Variants in ORC1 observed in about 807,000 individuals in gnomAD.
The protein encoded by ORC1 is origin recognition complex subunit 1.
ORC1 carries 61 observed loss-of-function variants against 98.9 expected under a neutral mutation model. That is an observed-to-expected ratio of 0.62 (90% CI 0.50 to 0.76). ORC1 has a LOEUF of 0.76. Among genes scored for constraint, ORC1 ranks in the 30% least tolerant of loss-of-function variants. The pLI, the probability that ORC1 is intolerant of heterozygous loss-of-function variation, is 0.00. For synonymous variants in ORC1, 385 were observed against 406.9 expected (o/e 0.95, Z 0.65); for missense variants, 979 against 1,072.2 (o/e 0.91, Z 1.21).
At chr1:52,405,550 T>C (rs1437449204), upstream of ORC1, 3 of 779,964 alleles carry the variant, frequency 3.8e-6, no homozygotes, top group Non-Finnish European at 6.4e-6. Context: ...GTTACTGTTA[T>C]TAATACACAT....
At chr1:52,395,961 C>T in intron 5 of ORC1, 85 bp downstream of exon 5, 1 of 1,580,766 alleles carries the variant, frequency 6.3e-7, no homozygotes, top group Non-Finnish European at 8.6e-7. Context: ...TGATCACTAA[C>T]TCAATACTTT....
chr1:52,404,551 T>A (rs528569972), upstream of ORC1: 4 of 537,034 alleles, frequency 7.4e-6, no homozygotes, highest in Non-Finnish European at 1.3e-5. Context: ...TCCGCTAACA[T>A]GCAGCCGCCA....
upstream of ORC1, chr1:52,408,900 T>C (rs1648073238): frequency 2.1e-6 from 1 of 479,566 alleles, no homozygotes; most frequent in East Asian, 3.6e-5. Context: ...CCTCTGTCTG[T>C]CTCCCTTTCC....
At chr1:52,382,208 T>C (rs1034466229) in intron 13 of ORC1, among the ~76,000 whole-genome samples, 1 of 152,196 alleles carries the variant, frequency 6.6e-6, no homozygotes, top group Non-Finnish European at 1.5e-5. Context: ...CTCGATCTCC[T>C]GACCTCGGGA....
At position 52,396,341 on chromosome 1, in the gene ORC1, A is replaced by C; in HGVS notation, c.426T>G (p.Asp142Glu). Residue 142 changes from aspartate to glutamate, a missense_variant, in exon 5 of 17, where the codon GAT becomes GAG. Coordinates refer to ENST00000371568, the MANE Select transcript of ORC1 (RefSeq NM_004153.4). Reference protein sequence around the residue: ...LVRVIPLAPKDVVPTNLKNEK... With the variant: ...LVRVIPLAPKEVVPTNLKNEK... ...CATTTTTCAGATTCGTCGGTACCACATCCTTTGGGGCTAAAGGTATCACCT... is the reference window on the plus strand; with the variant it reads ...CATTTTTCAGATTCGTCGGTACCACCTCCTTTGGGGCTAAAGGTATCACCT... 1 of 1,614,180 alleles carries C rather than the reference A, an allele frequency of 6.2e-7. No individual in the cohort carries two copies. Among genetic ancestry groups the C allele is most frequent in the South Asian group, 1.1e-5 (1 of 91,086 alleles).
Position 52,388,537 on chromosome 1 carries a change from G to A in ORC1, c.1288C>T (p.Pro430Ser). Reference protein sequence around the residue: ...SSDEEEASTPPLPRRAPRTVS... With the variant: ...SSDEEEASTPSLPRRAPRTVS... ...GTTCTGGGTGCTCTCCTTGGAAGGG[G>A]CGGTGTGGAAGCCTCTTCTTCGTCA... Residue 430 changes from proline to serine, a missense_variant, in exon 8 of 17, where the codon CCC (proline) becomes TCC (serine). Transcript: ENST00000371568. 3 of 1,614,072 alleles carry A rather than the reference G, an allele frequency of 1.9e-6. No individual in the cohort carries two copies. The highest frequency in any genetic ancestry group is 2.5e-6 in the Non-Finnish European group (3 of 1,179,966).
chr1:52,374,845 G>A lies in ORC1; in HGVS notation c.2356C>T (p.Arg786Cys), dbSNP rs754186329. 16 of 1,613,766 alleles carry A rather than the reference G, an allele frequency of 9.9e-6. No homozygotes were observed. Among genetic ancestry groups the A allele is most frequent in the East Asian group, 8.9e-5 (4 of 44,896 alleles). Residue 786 changes from arginine to cysteine, a missense_variant, in exon 16 of 17, where the codon CGT becomes TGT. Physicochemically the swap from Arg to Cys is radical, Grantham distance 180. Transcript: ENST00000371568. ...SFLRAILAEF[R>C]RSGLEEATFQ... Reference sequence around the variant, plus strand: ...GTGGCTTCCTCCAGTCCTGATCGACGGAACTCTGCGAGGATGGCTCTCAGG... The same window carrying A: ...GTGGCTTCCTCCAGTCCTGATCGACAGAACTCTGCGAGGATGGCTCTCAGG...
intron 4 of ORC1, 140 bp downstream of exon 4, chr1:52,397,545 A>T: frequency 1.2e-6 from 1 of 817,780 alleles, no homozygotes; most frequent in Non-Finnish European, 2.1e-6. Context: ...GATGAAACAG[A>T]CAGGCAAGCA....
At chr1:52,405,924 T>C (rs1043534812), upstream of ORC1, 1 of 1,098,996 alleles carries the variant, frequency 9.1e-7, no homozygotes, top group Admixed American at 2.0e-5. Context: ...GTGTACACAA[T>C]GTATCTCATT....
chr1:52,384,721 C>T lies in ORC1; in HGVS notation c.1584G>A (p.Gly528=). 1 of 1,613,176 alleles carries T rather than the reference C, an allele frequency of 6.2e-7. No homozygotes were observed. The highest frequency in any genetic ancestry group is 8.5e-7 in the Non-Finnish European group (1 of 1,179,742). ...CAGGGACACCGGAGATGTACATGCA[C>T]CTAGAGCAAGAGAGGAAAACCCGTG... ...VESKLLDHTG[G]CMYISGVPGT... is the part of the protein sequence containing the mutation. The change falls in exon 11 of 17, where the codon GGG becomes GGA. Residue 528 remains glycine, a splice_region_variant and synonymous_variant. Transcript: ENST00000371568.
intron 8 of ORC1, among the ~76,000 whole-genome samples, chr1:52,387,636 T>A (rs541027779): frequency 6.6e-6 from 1 of 152,252 alleles, no homozygotes; most frequent in South Asian, 2.1e-4. Flanking sequence ...TTTTGTATTT[T>A]AAGCAGAGAC....
At chr1:52,390,924 A>C (rs1647201217) in intron 6 of ORC1, among the ~76,000 whole-genome samples, 1 of 151,390 alleles carries the variant, frequency 6.6e-6, no homozygotes, top group Admixed American at 6.6e-5. Flanking sequence ...AAAAAGAAGA[A>C]GAAAGAAACT....
intron 5 of ORC1, 80 bp downstream of exon 5, chr1:52,395,966 T>C: frequency 6.3e-7 from 1 of 1,588,954 alleles, no homozygotes; most frequent in Non-Finnish European, 8.6e-7. Context: ...ACTAACTCAA[T>C]ACTTTCCCAT....
At chr1:52,402,984 A>G (rs1443617053) in intron 1 of ORC1, among the ~76,000 whole-genome samples, 1 of 152,208 alleles carries the variant, frequency 6.6e-6, no homozygotes, top group Non-Finnish European at 1.5e-5. Context: ...CCTTAACTCA[A>G]ACCCGGAAAA....
At chr1:52,401,983 C>A (rs566246798) in intron 2 of ORC1, 146 bp downstream of exon 2, 1 of 733,316 alleles carries the variant, frequency 1.4e-6, no homozygotes, top group Non-Finnish European at 2.4e-6. Context: ...CATCTTCTTG[C>A]ATCAAACAAA....
In ORC1 at chr1:52,388,449, T is replaced by G. The variant is rs766392601; in HGVS notation, c.1376A>C (p.Lys459Thr). The change falls in exon 8 of 17, where the codon AAG (lysine) becomes ACG (threonine). Residue 459 changes from lysine (K) to threonine (T), a missense_variant. Coordinates refer to ENST00000371568, the MANE Select transcript of ORC1 (RefSeq NM_004153.4). ...SSLHTLTKVP[K>T]KSLKPRTPRC... is the part of the protein sequence containing the mutation. ...AACCTAGAAGAACCTTACACTCTTC[T>G]TTGGCACCTTCGTGAGGGTATGTAA... 1 of 1,613,828 alleles carries G rather than the reference T, an allele frequency of 6.2e-7. No homozygotes were observed. The highest frequency in any genetic ancestry group is 1.7e-5 in the Admixed American group (1 of 60,024).
At chr1:52,385,037 G>A in intron 10 of ORC1, 124 bp downstream of exon 10, 1 of 784,730 alleles carries the variant, frequency 1.3e-6, no homozygotes, top group South Asian at 1.4e-5. Flanking sequence ...TTGGGCTTCA[G>A]CAACGATTTG....
At chr1:52,405,693 C>T (rs541266485), upstream of ORC1, 5 of 1,613,118 alleles carry the variant, frequency 3.1e-6, no homozygotes, top group African/African-American at 2.7e-5. Context: ...AACTTGTAGT[C>T]GATAAAGCCA....
chr1:52,385,791 G>A (rs1233118386), intron 9 of ORC1, 61 bp downstream of exon 9: 1 of 1,110,378 alleles, frequency 9.0e-7, no homozygotes, highest in African/African-American at 1.5e-5. Context: ...AATTTTATGT[G>A]AATGAAAGCA....
Sources: allele counts gnomAD v4.1 joint callset (sites outside exome capture counted in the v4.1 genomes callset), GRCh38; gene constraint gnomAD v4.1.1; transcripts MANE v1.5; gene names NCBI Gene and HGNC (gene_info 2026-07-23, HGNC 2026-07-21).